The following TNS3 variants were observed in gnomAD, a reference collection of about 807,000 sequenced individuals.
TNS3 encodes tensin-3.
Under a neutral mutation model 140.9 loss-of-function variants are expected in TNS3, and 45 were observed. The ratio of observed to expected loss-of-function variants is 0.32; its 90% confidence interval spans 0.25 to 0.41. The LOEUF (loss-of-function observed/expected upper bound fraction) is 0.41, where lower values mean the gene tolerates loss of function less well. Ranked by LOEUF, TNS3 falls within the 10% of genes least tolerant of loss-of-function variation. The pLI, the probability that TNS3 is intolerant of heterozygous loss-of-function variation, is 1.00. For synonymous variants in TNS3, 815 were observed against 788.4 expected (o/e 1.03, Z -0.56); for missense variants, 1,716 against 1,906.7 (o/e 0.90, Z 1.86).
chr7:47,461,817 C>T (rs1796502986), intron 4 of TNS3, among the ~76,000 whole-genome samples: 1 of 152,206 alleles, frequency 6.6e-6, no homozygotes, highest in African/African-American at 2.4e-5. Context: ...GAGAGCCTTG[C>T]GTGAGGCAGT....
chr7:47,420,470 A>G (rs1434044008), intron 10 of TNS3, among the ~76,000 whole-genome samples: 4 of 152,208 alleles, frequency 2.6e-5, no homozygotes, highest in Admixed American at 6.5e-5. Context: ...CTCAGGGTAC[A>G]TCACCAGAAA....
intron 20 of TNS3, among the ~76,000 whole-genome samples, chr7:47,334,280 C>T (rs1325159585): frequency 6.6e-6 from 1 of 152,150 alleles, no homozygotes; most frequent in East Asian, 1.9e-4. Context: ...CCCTAAAATG[C>T]CTACACCCTA....
chr7:47,355,447 G>A (rs941659333), intron 17 of TNS3, among the ~76,000 whole-genome samples: 2 of 152,094 alleles, frequency 1.3e-5, no homozygotes, highest in Non-Finnish European at 2.9e-5. Flanking sequence ...GTGAGAAGGG[G>A]ATGCATCGCC....
intron 17 of TNS3, among the ~76,000 whole-genome samples, chr7:47,364,607 T>C (rs1002353601): frequency 1.3e-5 from 2 of 152,172 alleles, no homozygotes; most frequent in Non-Finnish European, 2.9e-5. Flanking sequence ...AAGCCTGCCA[T>C]GCAGGCTGTT....
chr7:47,522,450 C>T (rs967575689), intron 2 of TNS3, among the ~76,000 whole-genome samples: 8 of 152,210 alleles, frequency 5.3e-5, no homozygotes, highest in African/African-American at 1.9e-4. Flanking sequence ...CCTCAGCCTA[C>T]ACCATGACAC....
At chr7:47,367,403 C>T (rs1790766925) in intron 17 of TNS3, among the ~76,000 whole-genome samples, 1 of 152,186 alleles carries the variant, frequency 6.6e-6, no homozygotes, top group Non-Finnish European at 1.5e-5. Flanking sequence ...TAACCTGGTC[C>T]CAACATGCAA....
chr7:47,486,967 G>A (rs1797634420), intron 3 of TNS3, among the ~76,000 whole-genome samples: 1 of 152,154 alleles, frequency 6.6e-6, no homozygotes, highest in South Asian at 2.1e-4. Flanking sequence ...TGGGTCACGT[G>A]AATCAGCTTC....
intron 3 of TNS3, among the ~76,000 whole-genome samples, chr7:47,500,556 A>G (rs1798174672): frequency 6.6e-6 from 1 of 152,206 alleles, no homozygotes; most frequent in African/African-American, 2.4e-5. Context: ...AGATCCCTCA[A>G]CAGCGCTGAC....
intron 16 of TNS3, among the ~76,000 whole-genome samples, chr7:47,375,925 C>A (rs946072281): frequency 2.6e-5 from 4 of 152,204 alleles, no homozygotes; most frequent in African/African-American, 9.6e-5. Flanking sequence ...CGACGTGGAA[C>A]CTTTCCTTTT....
chr7:47,297,267 T>C, intron 23 of TNS3, 54 bp from the exon 24 acceptor site: 7 of 1,560,534 alleles, frequency 4.5e-6, no homozygotes, highest in Non-Finnish European at 6.1e-6. Context: ...CAAAGGTCTA[T>C]GCCCACTCAT....
intron 4 of TNS3, among the ~76,000 whole-genome samples, chr7:47,450,329 G>A: frequency 6.6e-6 from 1 of 152,158 alleles, no homozygotes; most frequent in Admixed American, 6.5e-5. Context: ...AATAACTGGG[G>A]CCTATTTAGG....
At chr7:47,552,493 G>A (rs892277837) in intron 1 of TNS3, among the ~76,000 whole-genome samples, 1 of 152,054 alleles carries the variant, frequency 6.6e-6, no homozygotes, top group African/African-American at 2.4e-5. Context: ...CTCACTTCTG[G>A]TCCCTGTGTC....
At chr7:47,408,235 C>T (rs1002845757) in intron 13 of TNS3, among the ~76,000 whole-genome samples, 2 of 152,136 alleles carry the variant, frequency 1.3e-5, no homozygotes, top group African/African-American at 4.8e-5. Context: ...CGGCCCCTCT[C>T]TGCCCTGCCC....
intron 4 of TNS3, among the ~76,000 whole-genome samples, chr7:47,447,246 A>ATATG (rs1210636731): frequency 2.5e-5 from 3 of 120,810 alleles, no homozygotes; most frequent in African/African-American, 9.5e-5. Flanking sequence ...CTGGTTCCAC[A>ATATG]TATGTTTGTT....
At chr7:47,509,939 A>G (rs2151890995) in intron 2 of TNS3, among the ~76,000 whole-genome samples, 1 of 152,306 alleles carries the variant, frequency 6.6e-6, no homozygotes, top group East Asian at 1.9e-4. Context: ...TCTGTTGTGC[A>G]TGACCAGGGT....
intron 4 of TNS3, among the ~76,000 whole-genome samples, chr7:47,462,966 C>T (rs1025030832): frequency 9.9e-5 from 15 of 152,184 alleles, no homozygotes; most frequent in Admixed American, 5.9e-4. Flanking sequence ...GACAATGAGG[C>T]TGTCCTACAA....
chr7:47,507,633 C>T (rs922671965), intron 2 of TNS3, among the ~76,000 whole-genome samples: 3 of 152,144 alleles, frequency 2.0e-5, no homozygotes, highest in Admixed American at 1.3e-4. Flanking sequence ...GGAACCAATG[C>T]GGATTTCACA....
intron 20 of TNS3, among the ~76,000 whole-genome samples, chr7:47,329,273 T>C (rs970903324): frequency 6.6e-6 from 1 of 152,240 alleles, no homozygotes; most frequent in East Asian, 1.9e-4. Flanking sequence ...TCCCACTCCC[T>C]CTTCAAATGC....
At chr7:47,377,398 G>A (rs1273039035) in intron 16 of TNS3, among the ~76,000 whole-genome samples, 1 of 152,192 alleles carries the variant, frequency 6.6e-6, no homozygotes, top group Non-Finnish European at 1.5e-5. Context: ...ATTCTGGGGT[G>A]GAGACACTGT....
Sources: allele counts gnomAD v4.1 joint callset (sites outside exome capture counted in the v4.1 genomes callset), GRCh38; gene constraint gnomAD v4.1.1; transcripts MANE v1.5; gene names NCBI Gene and HGNC (gene_info 2026-07-23, HGNC 2026-07-21).